The following DTNA variants were observed in gnomAD, a reference collection of about 807,000 sequenced individuals.
DTNA encodes the protein dystrobrevin alpha.
DTNA carries 43 observed loss-of-function variants against 100.7 expected under a neutral mutation model. The observed-to-expected ratio is 0.43, with a 90% CI of 0.33 to 0.55. The LOEUF is 0.55. Ranked by LOEUF, DTNA falls within the 20% of genes least tolerant of loss-of-function variation. DTNA has a pLI of 0.04. For missense variants in DTNA, 798 were observed against 953.9 expected (o/e 0.84, Z 2.15); for synonymous variants, 349 against 347.9 (o/e 1.00, Z -0.04).
Position 34,821,596 on chromosome 18 carries a change from G to A in DTNA, c.1001+681G>A, listed in dbSNP as rs149069630. On this transcript the variant is annotated intron_variant, in intron 9 of 22. Transcript: ENST00000444659. The stretch of plus-strand genomic sequence containing the variant: ...AGGCCTGGGTGGCCAAGATAACAAG[G>A]GGGCTTAGGTAGAAGAAACAATTTT... The A allele has an allele frequency of 1.9e-3, 832 of 442,370 alleles. 2 individuals carry two copies. Among genetic ancestry groups the A allele is most frequent in the African/African-American group, 0.01 (509 of 49,322 alleles). The allele number at this position is 442,370 out of a possible 1,614,324, so 27.4% of individuals were successfully genotyped here.
chr18:34,883,598 C>T (rs1004616263), intron 21 of DTNA, among the ~76,000 whole-genome samples: 1 of 152,132 alleles, frequency 6.6e-6, no homozygotes, highest in Non-Finnish European at 1.5e-5. Context: ...GCATAAGCCA[C>T]CATACCCAGG....
intron 1 of DTNA, among the ~76,000 whole-genome samples, chr18:34,670,909 T>A (rs900684236): frequency 6.6e-6 from 1 of 152,242 alleles, no homozygotes; most frequent in Non-Finnish European, 1.5e-5. Flanking sequence ...TTCTCAGATC[T>A]CAAACTCTGT....
intron 13 of DTNA, among the ~76,000 whole-genome samples, chr18:34,839,999 T>G (rs2096238975): frequency 6.6e-6 from 1 of 152,144 alleles, no homozygotes; most frequent in Non-Finnish European, 1.5e-5. Flanking sequence ...CCTCCTCACT[T>G]GAGTATTTTC....
At chr18:34,849,336 T>C (rs1568763340) in intron 14 of DTNA, among the ~76,000 whole-genome samples, 2 of 152,214 alleles carry the variant, frequency 1.3e-5, no homozygotes, top group Non-Finnish European at 2.9e-5. Context: ...ACAAGGTTTT[T>C]GGAAAAACCT....
intron 1 of DTNA, among the ~76,000 whole-genome samples, chr18:34,655,003 A>T (rs572277068): frequency 6.6e-6 from 1 of 152,224 alleles, no homozygotes; most frequent in Non-Finnish European, 1.5e-5. Context: ...TTGGGATTAC[A>T]GGCATGAACC....
intron 1 of DTNA, among the ~76,000 whole-genome samples, chr18:34,527,336 A>G (rs1204743028): frequency 1.3e-5 from 2 of 152,086 alleles, no homozygotes; most frequent in African/African-American, 4.8e-5. Context: ...TCGTCAAGAA[A>G]TAGATTTCCT....
chr18:34,605,532 T>C (rs2052864167), intron 1 of DTNA, among the ~76,000 whole-genome samples: 1 of 151,970 alleles, frequency 6.6e-6, no homozygotes. Flanking sequence ...TGACAAGGGA[T>C]GAAGCAAATG....
rs369166552 is a variant in DTNA at position 34,884,355 on chromosome 18, G to A, written c.2296-373G>A. Among the ~76,000 whole-genome samples the A allele has an allele frequency of 1.3e-4, 20 of 152,218 alleles. No homozygotes were observed. The East Asian group carries it at 2.3e-3, about 18-fold the overall frequency. On this transcript the variant is annotated intron_variant, in intron 21 of 22. Transcript: ENST00000444659. ...TAACCTTCTATGAGTAAAATGAAGG[G>A]AATTTCTACTAATGACTTAAGATTC...
intron 8 of DTNA, among the ~76,000 whole-genome samples, chr18:34,819,419 T>C (rs1786596): frequency 1.3e-5 from 2 of 152,172 alleles, no homozygotes; most frequent in Admixed American, 6.5e-5. Context: ...TCACTGTTGT[T>C]TATGTCATGC....
At chr18:34,667,843 T>G (rs1321236139) in intron 1 of DTNA, among the ~76,000 whole-genome samples, 1 of 152,212 alleles carries the variant, frequency 6.6e-6, no homozygotes, top group Non-Finnish European at 1.5e-5. Flanking sequence ...TTATTGAGGA[T>G]TTTTGCATCG....
chr18:34,779,463 AT>A (rs1195767437), intron 3 of DTNA, among the ~76,000 whole-genome samples: 1 of 152,138 alleles, frequency 6.6e-6, no homozygotes, highest in East Asian at 1.9e-4. Context: ...TTGATAACTT[AT>A]TTAGCTTTTT....
rs114161980 is a variant in DTNA at position 34,872,321 on chromosome 18, T to C, written c.1744-2918T>C. On this transcript the variant is annotated intron_variant, in intron 17 of 22. Coordinates refer to ENST00000444659, the MANE Select transcript of DTNA (RefSeq NM_001386795.1). ...TATGAGTCTTCTTACAAATGCTGCC[T>C]AGAGGGAGGAGCCCCCAGCACCCTG... Among the ~76,000 whole-genome samples the C allele has an allele frequency of 5.9e-3, 898 of 152,218 alleles. 7 individuals carry two copies. Among genetic ancestry groups the C allele is most frequent in the African/African-American group, 0.019 (797 of 41,516 alleles).
At chr18:34,511,118 A>T (rs1162901178) in intron 1 of DTNA, among the ~76,000 whole-genome samples, 1 of 152,098 alleles carries the variant, frequency 6.6e-6, no homozygotes, top group African/African-American at 2.4e-5. Flanking sequence ...TTGCTTAATC[A>T]CAATTAGAAT....
chr18:34,643,387 T>G (rs2059506428), intron 1 of DTNA, among the ~76,000 whole-genome samples: 1 of 152,218 alleles, frequency 6.6e-6, no homozygotes, highest in Non-Finnish European at 1.5e-5. Context: ...GTGATAAGAG[T>G]CTACAAGAAT....
chr18:34,614,590 A>C (rs1156339309), intron 1 of DTNA, among the ~76,000 whole-genome samples: 3 of 152,230 alleles, frequency 2.0e-5, no homozygotes, highest in African/African-American at 4.8e-5. Flanking sequence ...CTCATGAATG[A>C]CTTTGAGGGG....
intron 1 of DTNA, among the ~76,000 whole-genome samples, chr18:34,686,156 C>T (rs2078868254): frequency 6.6e-6 from 1 of 152,170 alleles, no homozygotes; most frequent in Non-Finnish European, 1.5e-5. Flanking sequence ...ATTGCCCTGG[C>T]CAGGACTTCC....
At chr18:34,877,689 GT>G in intron 18 of DTNA, 29 bp from the exon 19 acceptor site, 1 of 1,599,316 alleles carries the variant, frequency 6.3e-7, no homozygotes, top group South Asian at 1.1e-5. Flanking sequence ...GGAAGCTTTG[GT>G]TTTTTAAATT....
chr18:34,819,105 T>C (rs987305884), intron 8 of DTNA, among the ~76,000 whole-genome samples: 1 of 152,204 alleles, frequency 6.6e-6, no homozygotes, highest in African/African-American at 2.4e-5. Context: ...TACAGATTGG[T>C]TCTTGTGGGA....
chr18:34,576,360 G>C (rs528797139), intron 1 of DTNA, among the ~76,000 whole-genome samples: 54 of 152,334 alleles, frequency 3.5e-4, no homozygotes, highest in Middle Eastern at 6.8e-3. Context: ...AACTTGCAGG[G>C]AGGGAATCAA....
Sources: allele counts gnomAD v4.1 joint callset (sites outside exome capture counted in the v4.1 genomes callset), GRCh38; gene constraint gnomAD v4.1.1; transcripts MANE v1.5; gene names NCBI Gene and HGNC (gene_info 2026-07-23, HGNC 2026-07-21).